Variants in MAST4 observed in about 807,000 individuals in gnomAD.
MAST4 encodes the protein microtubule associated serine/threonine kinase family member 4.
MAST4 carries 89 observed loss-of-function variants against 162.7 expected under a neutral mutation model. The observed-to-expected ratio is 0.55, with a 90% CI of 0.46 to 0.65. The LOEUF is 0.65. MAST4 is among the 30% of genes least tolerant of loss of function. The pLI, the probability that MAST4 is intolerant of heterozygous loss-of-function variation, is 0.00. For missense variants in MAST4, 3,153 were observed against 3,374.0 expected, an observed-to-expected ratio of 0.93 and a Z score of 1.62; for synonymous variants, 1,479 against 1,361.1, an observed-to-expected ratio of 1.09 and a Z score of -1.91.
intron 4 of MAST4, among the ~76,000 whole-genome samples, chr5:66,925,119 A>G (rs1764803267): frequency 6.6e-6 from 1 of 152,136 alleles, no homozygotes; most frequent in South Asian, 2.1e-4. Context: ...TTATTTGATA[A>G]TTATTGATTT....
At chr5:66,720,417 CAG>C (rs1411310797) in intron 1 of MAST4, among the ~76,000 whole-genome samples, 4 of 152,052 alleles carry the variant, frequency 2.6e-5, no homozygotes, top group Admixed American at 6.6e-5. Flanking sequence ...TTGAATTTTT[CAG>C]AGTCTACTTT....
At chr5:66,666,104 T>C (rs910027646) in intron 1 of MAST4, among the ~76,000 whole-genome samples, 14 of 152,320 alleles carry the variant, frequency 9.2e-5, no homozygotes, top group South Asian at 8.3e-4. Context: ...GTTGCAGTGG[T>C]CCAGGAAGGT....
intron 1 of MAST4, among the ~76,000 whole-genome samples, chr5:66,711,420 C>T (rs897139944): frequency 6.6e-6 from 1 of 152,162 alleles, no homozygotes; most frequent in African/African-American, 2.4e-5. Flanking sequence ...TGATGGCCGC[C>T]GAGATTCTTT....
chr5:67,049,062 T>TATATATATATATATATATATATAC, intron 4 of MAST4, among the ~76,000 whole-genome samples: 1 of 82,832 alleles, frequency 1.2e-5, no homozygotes, highest in African/African-American at 6.3e-5. Flanking sequence ...TATATATACG[T>TATATATATATATATATATATATAC]ATATATATAT....
chr5:66,631,356 G>T (rs988019592), intron 1 of MAST4, among the ~76,000 whole-genome samples: 24 of 152,238 alleles, frequency 1.6e-4, no homozygotes, highest in African/African-American at 5.5e-4. Flanking sequence ...AGGGAATGAG[G>T]TATTAAATGA....
At chr5:66,852,517 G>A (rs1023257029) in intron 3 of MAST4, among the ~76,000 whole-genome samples, 4 of 152,162 alleles carry the variant, frequency 2.6e-5, no homozygotes, top group African/African-American at 4.8e-5. Context: ...ACACCGTAAC[G>A]CTTGTCTGTG....
At chr5:66,739,113 C>A (rs1330507316) in intron 1 of MAST4, among the ~76,000 whole-genome samples, 2 of 152,144 alleles carry the variant, frequency 1.3e-5, no homozygotes, top group Admixed American at 6.5e-5. Context: ...ATGTAACAGT[C>A]ATTCCTAAGA....
At chr5:66,640,106 T>C (rs1374423171) in intron 1 of MAST4, among the ~76,000 whole-genome samples, 1 of 152,196 alleles carries the variant, frequency 6.6e-6, no homozygotes, top group East Asian at 1.9e-4. Context: ...ACCTCTATTC[T>C]GCTTCCTTTT....
At chr5:66,627,557 G>A (rs1323495930) in intron 1 of MAST4, among the ~76,000 whole-genome samples, 1 of 152,112 alleles carries the variant, frequency 6.6e-6, no homozygotes, top group Non-Finnish European at 1.5e-5. Context: ...GTTCGTGTGA[G>A]AATTTTTAGA....
chr5:66,841,574 C>T (rs901664144), intron 3 of MAST4, among the ~76,000 whole-genome samples: 2 of 152,072 alleles, frequency 1.3e-5, no homozygotes, highest in Non-Finnish European at 2.9e-5. Context: ...TGCCTTCTTG[C>T]TATATGGTGA....
At chr5:66,666,503 C>CT (rs1747266586) in intron 1 of MAST4, among the ~76,000 whole-genome samples, 1 of 152,132 alleles carries the variant, frequency 6.6e-6, no homozygotes, top group Non-Finnish European at 1.5e-5. Context: ...TGCACATTTG[C>CT]TTTTTTCATT....
intron 3 of MAST4, among the ~76,000 whole-genome samples, chr5:66,853,436 G>A (rs1166241973): frequency 6.6e-6 from 1 of 152,184 alleles, no homozygotes; most frequent in Non-Finnish European, 1.5e-5. Flanking sequence ...TATTAAAGAA[G>A]TGTTTCATGA....
At chr5:66,997,852 T>C (rs1750842871) in intron 4 of MAST4, among the ~76,000 whole-genome samples, 1 of 152,248 alleles carries the variant, frequency 6.6e-6, no homozygotes, top group Non-Finnish European at 1.5e-5. Flanking sequence ...AGAAGTGATA[T>C]AACTTAATAG....
intron 14 of MAST4, 83 bp from the exon 15 acceptor site, chr5:67,130,127 A>G (rs1768783437): frequency 1.5e-6 from 2 of 1,293,230 alleles, no homozygotes; most frequent in Admixed American, 4.8e-5. Flanking sequence ...TAAAAAGTTG[A>G]TGATTTATAT....
intron 4 of MAST4, among the ~76,000 whole-genome samples, chr5:67,024,832 GT>G (rs11401659): frequency 1.2e-4 from 18 of 147,672 alleles, no homozygotes; most frequent in East Asian, 7.9e-4. Flanking sequence ...GGGATCCCAT[GT>G]TTTTTTTTTT....
rs978859152 is a variant in MAST4, at chr5:67,165,239, G to A, written c.6060G>A (p.Arg2020=). ...CCAAAAATCTCCTCTCTGTGGGAAG[G>A]ACCCACCCAGATTTCTATACACAGA... ...DNSKNLLSVG[R]THPDFYTQTQ... The change falls in exon 29 of 29, where the codon AGG becomes AGA. Residue 2020 remains arginine, a synonymous_variant. Transcript: ENST00000403625. The A allele has an allele frequency of 1.9e-6, 3 of 1,612,788 alleles. No homozygotes were observed. The East Asian group carries it at 6.7e-5, about 36-fold the overall frequency.
At chr5:66,680,417 T>G (rs530772228) in intron 1 of MAST4, among the ~76,000 whole-genome samples, 9 of 152,314 alleles carry the variant, frequency 5.9e-5, no homozygotes, top group African/African-American at 2.2e-4. Context: ...CTTCCTAACC[T>G]CATTGACAGT....
Position 67,160,442 on chromosome 5 carries a change from C to T in MAST4, c.3649-14C>T. Reference sequence around the variant, plus strand: ...ACAGCATTTCCCTTTAATGCCACCTCATCTTTTCTTTAGAGTGGGAATAAG... The same window carrying T: ...ACAGCATTTCCCTTTAATGCCACCTTATCTTTTCTTTAGAGTGGGAATAAG... On this transcript the variant is annotated splice_polypyrimidine_tract_variant and intron_variant, in intron 26 of 28. Coordinates refer to ENST00000403625, the MANE Select transcript of MAST4 (RefSeq NM_001164664.2). 1 of 1,600,886 alleles carries T rather than the reference C, an allele frequency of 6.2e-7. No individual in the cohort carries two copies. The highest frequency in any genetic ancestry group is 8.5e-7 in the Non-Finnish European group (1 of 1,174,570).
At chr5:67,114,003 T>G in intron 11 of MAST4, 84 bp from the exon 12 acceptor site, 1 of 1,510,350 alleles carries the variant, frequency 6.6e-7, no homozygotes, top group Non-Finnish European at 9.1e-7. Context: ...TACCCAGCAG[T>G]TATATTGTGA....
Sources: allele counts gnomAD v4.1 joint callset (sites outside exome capture counted in the v4.1 genomes callset), GRCh38; gene constraint gnomAD v4.1.1; transcripts MANE v1.5; gene names NCBI Gene and HGNC (gene_info 2026-07-23, HGNC 2026-07-21).